PTPRD: variants seen among roughly 807,000 people sequenced by gnomAD.
PTPRD encodes receptor-type tyrosine-protein phosphatase delta.
A neutral mutation model predicts 214.5 loss-of-function variants in PTPRD; 34 were observed. The observed-to-expected ratio is 0.16, with a 90% CI of 0.12 to 0.21. The LOEUF is 0.21. Ranked by LOEUF, PTPRD falls within the 10% of genes least tolerant of loss-of-function variation. PTPRD has a pLI of 1.00. For synonymous variants in PTPRD, 1,128 were observed against 845.7 expected, an observed-to-expected ratio of 1.33 and a Z score of -5.79; for missense variants, 2,545 against 2,398.7, an observed-to-expected ratio of 1.06 and a Z score of -1.27.
Position 8,457,889 on chromosome 9 carries a change from G to A in PTPRD, c.3875+2522C>T, listed in dbSNP as rs182203065. ...AAAGAGGGAATGGACTATTTATTAT[G>A]TAATTAACTTTGCTCAGAATCCAAG... On this transcript the variant is annotated intron_variant, in intron 33 of 45. Coordinates refer to ENST00000381196, the MANE Select transcript of PTPRD (RefSeq NM_002839.4). Among the ~76,000 whole-genome samples, 384 of 152,200 alleles carry A rather than the reference G, an allele frequency of 2.5e-3. 1 individual carries two copies. Among genetic ancestry groups the A allele is most frequent in the African/African-American group, 8.6e-3 (357 of 41,514 alleles).
At chr9:9,575,370 G>A (rs952690363) in intron 7 of PTPRD, among the ~76,000 whole-genome samples, 2 of 151,844 alleles carry the variant, frequency 1.3e-5, no homozygotes, top group African/African-American at 2.4e-5. Flanking sequence ...TATTATTATT[G>A]TCTTTAAATT....
At chr9:10,222,559 T>C (rs2099574821) in intron 3 of PTPRD, among the ~76,000 whole-genome samples, 1 of 152,094 alleles carries the variant, frequency 6.6e-6, no homozygotes, top group Non-Finnish European at 1.5e-5. Flanking sequence ...ATGTAGAATA[T>C]ATTTTTCCTA....
chr9:10,280,754 C>T (rs2095056311), intron 3 of PTPRD, among the ~76,000 whole-genome samples: 2 of 150,976 alleles, frequency 1.3e-5, no homozygotes, highest in South Asian at 4.2e-4. Flanking sequence ...GGACTACAGG[C>T]ATGCACCACA....
At chr9:8,379,713 G>C (rs976131620) in intron 37 of PTPRD, among the ~76,000 whole-genome samples, 1 of 152,156 alleles carries the variant, frequency 6.6e-6, no homozygotes, top group African/African-American at 2.4e-5. Context: ...ACATAAAGCT[G>C]ATTGTGAGAT....
At chr9:9,378,196 C>T (rs1418704858) in intron 9 of PTPRD, among the ~76,000 whole-genome samples, 1 of 152,166 alleles carries the variant, frequency 6.6e-6, no homozygotes, top group Non-Finnish European at 1.5e-5. Context: ...ACCTAATCCA[C>T]ACTGCAACCC....
chr9:8,915,105 A>G (rs1409773045), intron 11 of PTPRD, among the ~76,000 whole-genome samples: 1 of 152,202 alleles, frequency 6.6e-6, no homozygotes, highest in Non-Finnish European at 1.5e-5. Context: ...TTGAAGACAT[A>G]TATACACAAA....
chr9:9,912,675 G>C (rs2079543177), intron 5 of PTPRD, among the ~76,000 whole-genome samples: 1 of 152,066 alleles, frequency 6.6e-6, no homozygotes, highest in Non-Finnish European at 1.5e-5. Context: ...ATAGCCAGTA[G>C]GTATTATAAT....
At chr9:8,849,308 T>C (rs566019828) in intron 11 of PTPRD, among the ~76,000 whole-genome samples, 5 of 151,998 alleles carry the variant, frequency 3.3e-5, no homozygotes, top group South Asian at 2.1e-4. Context: ...CCCGAGTAGC[T>C]GGGACTATAG....
At chr9:10,590,470 C>T (rs2075149828) in intron 2 of PTPRD, among the ~76,000 whole-genome samples, 1 of 151,936 alleles carries the variant, frequency 6.6e-6, no homozygotes. Flanking sequence ...AGTCAATCTT[C>T]CACATCTTCT....
At chr9:9,566,606 C>T (rs573337211) in intron 8 of PTPRD, among the ~76,000 whole-genome samples, 1 of 151,854 alleles carries the variant, frequency 6.6e-6, no homozygotes, top group South Asian at 2.1e-4. Context: ...ATGTATTTAA[C>T]ATAATTTAAA....
chr9:9,657,543 A>G (rs376198627), intron 7 of PTPRD, among the ~76,000 whole-genome samples: 72 of 152,342 alleles, frequency 4.7e-4, no homozygotes, highest in African/African-American at 1.7e-3. Context: ...TGGCACAGGT[A>G]TACCTATGTA....
chr9:9,886,305 T>C (rs2070892782), intron 5 of PTPRD, among the ~76,000 whole-genome samples: 1 of 152,120 alleles, frequency 6.6e-6, no homozygotes, highest in African/African-American at 2.4e-5. Context: ...CTACTGGTTA[T>C]CTCATATTTC....
At chr9:8,784,732 A>T (rs1398469837) in intron 11 of PTPRD, among the ~76,000 whole-genome samples, 1 of 152,160 alleles carries the variant, frequency 6.6e-6, no homozygotes, top group Non-Finnish European at 1.5e-5. Context: ...ATTTCTCTAC[A>T]TCCACATTAG....
intron 8 of PTPRD, among the ~76,000 whole-genome samples, chr9:9,450,492 T>G (rs1249896321): frequency 6.6e-6 from 1 of 151,926 alleles, no homozygotes; most frequent in East Asian, 1.9e-4. Context: ...CACTGTGATT[T>G]TGATTTGCAT....
chr9:9,349,368 C>G (rs2050200063), intron 9 of PTPRD, among the ~76,000 whole-genome samples: 1 of 152,070 alleles, frequency 6.6e-6, no homozygotes, highest in South Asian at 2.1e-4. Flanking sequence ...CCATCTTGCA[C>G]AGGGACCATA....
In PTPRD at chr9:9,224,226, G is replaced by A. The variant is rs549231279; in HGVS notation, c.-202-40863C>T. Among the ~76,000 whole-genome samples the A allele has an allele frequency of 2.6e-5, 4 of 152,014 alleles. No individual in the cohort carries two copies. In the East Asian group the frequency reaches 7.8e-4, roughly 30 times the overall value. Reference sequence around the variant, plus strand: ...GATAGACTCAAGAGTAAGAAGCCTAGGCACATGACTCCTGCTTTAGTGAAG... The same window carrying A: ...GATAGACTCAAGAGTAAGAAGCCTAAGCACATGACTCCTGCTTTAGTGAAG... On this transcript the variant is annotated intron_variant, in intron 9 of 45. Coordinates refer to ENST00000381196, the MANE Select transcript of PTPRD (RefSeq NM_002839.4).
chr9:9,911,630 CA>C (rs1235003603), intron 5 of PTPRD, among the ~76,000 whole-genome samples: 3 of 151,916 alleles, frequency 2.0e-5, no homozygotes, highest in Non-Finnish European at 4.4e-5. Context: ...TATCAGACTT[CA>C]AAAAAATGTT....
chr9:8,335,299 C>T (rs1845518790), intron 43 of PTPRD, among the ~76,000 whole-genome samples: 1 of 151,830 alleles, frequency 6.6e-6, no homozygotes, highest in Admixed American at 6.6e-5. Context: ...CCACCACGAT[C>T]AAGTCGGCTT....
chr9:9,331,656 A>G (rs1301056474), intron 9 of PTPRD, among the ~76,000 whole-genome samples: 1 of 152,076 alleles, frequency 6.6e-6, no homozygotes, highest in East Asian at 1.9e-4. Context: ...TGTACCAATA[A>G]CAACGGCTAT....
Sources: allele counts gnomAD v4.1 joint callset (sites outside exome capture counted in the v4.1 genomes callset), GRCh38; gene constraint gnomAD v4.1.1; transcripts MANE v1.5; gene names NCBI Gene and HGNC (gene_info 2026-07-23, HGNC 2026-07-21).